The following RAE1 variants were observed in gnomAD, a reference collection of about 807,000 sequenced individuals.
RAE1 encodes the protein ribonucleic acid export 1, also known as mRNA export factor RAE1.
Under a neutral mutation model 52.7 loss-of-function variants are expected in RAE1, and 13 were observed. The ratio of observed to expected loss-of-function variants is 0.25; its 90% CI spans 0.16 to 0.39. RAE1 has a LOEUF of 0.39. RAE1 is among the 10% of genes least tolerant of loss of function. RAE1 has a pLI of 1.00. For synonymous variants in RAE1, 164 were observed against 153.1 expected, an observed-to-expected ratio of 1.07 and a Z score of -0.52; for missense variants, 262 against 459.8, an observed-to-expected ratio of 0.57 and a Z score of 3.93.
chr20:57,359,351 T>C (rs1385602201), intron 4 of RAE1: 1 of 209,910 alleles, frequency 4.8e-6, no homozygotes, highest in East Asian at 1.0e-4. Flanking sequence ...CAATGGAGAA[T>C]GTCTTCATCT....
At chr20:57,363,838 T>C (rs1359314142) in intron 4 of RAE1, among the ~76,000 whole-genome samples, 1 of 152,202 alleles carries the variant, frequency 6.6e-6, no homozygotes, top group Non-Finnish European at 1.5e-5. Flanking sequence ...ACTCATGATC[T>C]CTTAGGACAA....
intron 4 of RAE1, among the ~76,000 whole-genome samples, chr20:57,364,728 A>T (rs572788747): frequency 1.3e-5 from 2 of 152,324 alleles, no homozygotes; most frequent in East Asian, 3.9e-4. Flanking sequence ...ACCTACTTTG[A>T]GTTCTCTGTG....
intron 4 of RAE1, chr20:57,359,502 A>C (rs981279687): frequency 6.6e-6 from 1 of 152,534 alleles, no homozygotes; most frequent in South Asian, 2.1e-4. Context: ...TTTTGGGCCA[A>C]CTGTGGTGGT....
intron 1 of RAE1, chr20:57,351,702 A>G (rs933916170): frequency 2.7e-5 from 27 of 985,048 alleles, no homozygotes; most frequent in Admixed American, 2.5e-4. Flanking sequence ...TCCCCCTTAC[A>G]CGTCTGGCGT....
Position 57,351,944 on chromosome 20 carries a change from C to T in RAE1, c.-8+522C>T, listed in dbSNP as rs910938045. The T allele has an allele frequency of 5.1e-6, 5 of 985,400 alleles. No individual in the cohort carries two copies. The African/African-American group carries it at 8.7e-5, about 17-fold the overall frequency. The allele number at this position is 985,400 out of a possible 1,614,324, so 61.0% of individuals were successfully genotyped here. On this transcript the variant is annotated intron_variant, in intron 1 of 11. Transcript: ENST00000395841. Reference sequence around the variant, plus strand: ...GGCAAGTAGTATTAAACACCAGCCGCCCTGGGCCAGGCATTGTACTGTGGG... The same window carrying T: ...GGCAAGTAGTATTAAACACCAGCCGTCCTGGGCCAGGCATTGTACTGTGGG...
chr20:57,358,714 A>G (rs1335324843), intron 4 of RAE1: 3 of 312,848 alleles, frequency 9.6e-6, no homozygotes, highest in Middle Eastern at 8.3e-4. Flanking sequence ...TATTGTCGAT[A>G]TGGACTCTAG....
At chr20:57,356,029 A>G (rs1472936369) in intron 3 of RAE1, among the ~76,000 whole-genome samples, 1 of 152,232 alleles carries the variant, frequency 6.6e-6, no homozygotes, top group East Asian at 1.9e-4. Context: ...TGGTGTGATT[A>G]GGGTGATTTT....
chr20:57,360,678 A>C (rs779898275), intron 4 of RAE1, among the ~76,000 whole-genome samples: 7 of 152,344 alleles, frequency 4.6e-5, no homozygotes, highest in Middle Eastern at 3.4e-3. Context: ...TTTACAACTT[A>C]GATGGAGCTT....
At chr20:57,354,001 C>T in intron 1 of RAE1, 31 bp from the exon 2 acceptor site, 1 of 1,570,438 alleles carries the variant, frequency 6.4e-7, no homozygotes. Flanking sequence ...TAAGAGAAAA[C>T]CCATCCTTAA....
At chr20:57,370,748 T>C (rs1340335853) in intron 8 of RAE1, among the ~76,000 whole-genome samples, 1 of 152,218 alleles carries the variant, frequency 6.6e-6, no homozygotes. Flanking sequence ...ATATTTCCCT[T>C]CTTTTGCCTA....
At chr20:57,352,417 G>A (rs6099571) in intron 1 of RAE1, among the ~76,000 whole-genome samples, 6,043 of 152,226 alleles carry the variant, frequency 0.04, 178 homozygotes, top group African/African-American at 0.089. Flanking sequence ...TGTGTTCAGC[G>A]GAGAAAGGAA....
chr20:57,377,582 CTGTT>C (rs1443071422), intron 11 of RAE1, among the ~76,000 whole-genome samples: 1 of 152,220 alleles, frequency 6.6e-6, no homozygotes, highest in Non-Finnish European at 1.5e-5. Context: ...TGCTCCGTGT[CTGTT>C]GCTCCTTCCA....
At chr20:57,361,248 C>G (rs1339234053) in intron 4 of RAE1, among the ~76,000 whole-genome samples, 7 of 152,070 alleles carry the variant, frequency 4.6e-5, no homozygotes, top group Admixed American at 1.3e-4. Context: ...GCAGCACTTT[C>G]AGAGGGTTAT....
At position 57,356,508 on chromosome 20, in the gene RAE1, T is replaced by C; in HGVS notation, c.258T>C (p.Thr86=). The change falls in exon 4 of 12, where the codon ACT becomes ACC. Residue 86 remains threonine (T), a synonymous_variant. Transcript: ENST00000395841. Reference sequence around the variant, plus strand: ...TTCCAAAAGCCCAGCAGATGCACACTGGGCCTGTGCTTGATGTCTGCTGGA... The same window carrying C: ...TTCCAAAAGCCCAGCAGATGCACACCGGGCCTGTGCTTGATGTCTGCTGGA... ...QTIPKAQQMH[T]GPVLDVCWSD... 1 of 1,613,388 alleles carries C rather than the reference T, an allele frequency of 6.2e-7. No homozygotes were observed. Among genetic ancestry groups the C allele is most frequent in the East Asian group, 2.2e-5 (1 of 44,874 alleles).
At chr20:57,356,708 G>A (rs1422274586) in intron 4 of RAE1, among the ~76,000 whole-genome samples, 170 bp downstream of exon 4, 2 of 152,232 alleles carry the variant, frequency 1.3e-5, no homozygotes, top group African/African-American at 4.8e-5. Context: ...GCTTTAGTTA[G>A]CCACTTTCTT....
chr20:57,355,301 G>A (rs2066768601), intron 3 of RAE1, among the ~76,000 whole-genome samples: 1 of 152,222 alleles, frequency 6.6e-6, no homozygotes, highest in East Asian at 1.9e-4. Context: ...AGCAAAGGGT[G>A]TAAAGAGGGA....
intron 2 of RAE1, 91 bp from the exon 3 acceptor site, chr20:57,354,621 A>G: frequency 1.2e-6 from 1 of 852,972 alleles, no homozygotes; most frequent in Non-Finnish European, 1.8e-6. Context: ...ACACAAGGAA[A>G]GGCCACCGTG....
In RAE1 at chr20:57,351,400, T is replaced by G; in HGVS notation, c.-30T>G. 1 of 985,500 alleles carries G rather than the reference T, an allele frequency of 1.0e-6. No individual in the cohort carries two copies. Among genetic ancestry groups the G allele is most frequent in the Non-Finnish European group, 1.2e-6 (1 of 829,986 alleles). The allele number at this position is 985,500 out of a possible 1,614,324, so 61.0% of individuals were successfully genotyped here. On this transcript the variant is annotated 5_prime_UTR_variant, in exon 1 of 12. Transcript: ENST00000395841. Reference sequence around the variant, plus strand: ...GACCCTTCTGCTCCCGGCCGCCGCTTTCCGCCGGGGCGAGACCCCCAGGTA... The same window carrying G: ...GACCCTTCTGCTCCCGGCCGCCGCTGTCCGCCGGGGCGAGACCCCCAGGTA...
intron 1 of RAE1, among the ~76,000 whole-genome samples, chr20:57,352,416 C>G (rs2038612): frequency 0.53 from 80,653 of 151,986 alleles, 25,283 homozygotes; most frequent in African/African-American, 0.88. Flanking sequence ...TTGTGTTCAG[C>G]GGAGAAAGGA....
Sources: allele counts gnomAD v4.1 joint callset (sites outside exome capture counted in the v4.1 genomes callset), GRCh38; gene constraint gnomAD v4.1.1; transcripts MANE v1.5; gene names NCBI Gene and HGNC (gene_info 2026-07-23, HGNC 2026-07-21).